The following RALYL variants were observed in gnomAD, a reference collection of about 807,000 sequenced individuals.
RALYL encodes RALY RNA binding protein like.
Under a neutral mutation model 35.1 loss-of-function variants are expected in RALYL, and 29 were observed. That is an observed-to-expected ratio of 0.83 (90% CI 0.61 to 1.13). The LOEUF is 1.13. Among genes scored for constraint, RALYL ranks in the 50% most tolerant of loss-of-function variants. The pLI, the probability that RALYL is intolerant of heterozygous loss-of-function variation, is 0.00. For missense variants in RALYL, 359 were observed against 360.4 expected (o/e 1.00, Z 0.03); for synonymous variants, 120 against 127.6 (o/e 0.94, Z 0.40).
At chr8:84,543,215 T>G (rs1304923016) in intron 2 of RALYL, among the ~76,000 whole-genome samples, 1 of 152,090 alleles carries the variant, frequency 6.6e-6, no homozygotes, top group African/African-American at 2.4e-5. Context: ...TTTCTCTCCT[T>G]TTTTGGTGCT....
chr8:84,260,384 G>A (rs968033858), intron 1 of RALYL, among the ~76,000 whole-genome samples: 3 of 152,180 alleles, frequency 2.0e-5, no homozygotes, highest in African/African-American at 7.2e-5. Context: ...GATCGCTCAT[G>A]CAGCTACAAG....
chr8:84,670,590 G>A (rs2044328052), intron 2 of RALYL, among the ~76,000 whole-genome samples: 1 of 152,196 alleles, frequency 6.6e-6, no homozygotes, highest in Admixed American at 6.5e-5. Flanking sequence ...AATCATGGTG[G>A]AAGGTGAAGG....
At chr8:84,299,817 C>T (rs1840429964) in intron 1 of RALYL, among the ~76,000 whole-genome samples, 1 of 150,930 alleles carries the variant, frequency 6.6e-6, no homozygotes, top group South Asian at 2.1e-4. Context: ...GGTAATGTCC[C>T]CTTTGTGATG....
intron 1 of RALYL, among the ~76,000 whole-genome samples, chr8:84,227,370 A>G (rs1007422237): frequency 2.0e-5 from 3 of 151,966 alleles, no homozygotes; most frequent in African/African-American, 4.8e-5. Context: ...AAAAAAATGT[A>G]TTTCTTAAAA....
At chr8:84,652,574 A>T (rs1829071629) in intron 2 of RALYL, among the ~76,000 whole-genome samples, 1 of 152,030 alleles carries the variant, frequency 6.6e-6, no homozygotes, top group Non-Finnish European at 1.5e-5. Flanking sequence ...ATGGCTCTTT[A>T]TTAGACATGT....
At chr8:84,271,771 G>A (rs529279732) in intron 1 of RALYL, among the ~76,000 whole-genome samples, 2 of 152,188 alleles carry the variant, frequency 1.3e-5, no homozygotes, top group South Asian at 2.1e-4. Context: ...CCACTTACAT[G>A]GAAGTTTTAG....
chr8:84,822,258 G>A (rs978034708), intron 4 of RALYL, among the ~76,000 whole-genome samples: 2 of 152,078 alleles, frequency 1.3e-5, no homozygotes, highest in Non-Finnish European at 2.9e-5. Context: ...GTAAATCATG[G>A]GCCTTTGATT....
intron 2 of RALYL, among the ~76,000 whole-genome samples, chr8:84,699,005 CATAGATAG>C (rs3068019): frequency 0.031 from 4,452 of 144,216 alleles, 92 homozygotes; most frequent in East Asian, 0.093. Flanking sequence ...TAGGTAGGTA[CATAGATAG>C]ATAGATAGAT....
chr8:84,408,718 C>T (rs894318007), intron 1 of RALYL, among the ~76,000 whole-genome samples: 4 of 152,028 alleles, frequency 2.6e-5, no homozygotes, highest in African/African-American at 9.7e-5. Flanking sequence ...CACTAGTAGT[C>T]ATCAGTCAAG....
Position 84,419,543 on chromosome 8 carries a change from CT to C in RALYL, c.-23-109744del, listed in dbSNP as rs572953145. 1.7e-3 allele frequency among the ~76,000 whole-genome samples: 244 copies of C among 146,032 alleles called. 1 individual carries two copies. The highest frequency in any genetic ancestry group is 2.9e-3 in the African/African-American group (115 of 40,208). Reference sequence around the variant, plus strand: ...TGCTACTACAAATTTATGGTCTTAACTTTTTTTTTTTTATTATTATACATTA... The same window carrying C: ...TGCTACTACAAATTTATGGTCTTAACTTTTTTTTTTTATTATTATACATTA... On this transcript the variant is annotated intron_variant, in intron 1 of 8. Transcript: ENST00000521268.
intron 2 of RALYL, among the ~76,000 whole-genome samples, chr8:84,530,044 A>G (rs2059176387): frequency 6.6e-6 from 1 of 152,212 alleles, no homozygotes; most frequent in South Asian, 2.1e-4. Context: ...GGAAAGGAAT[A>G]TAATTCACAT....
At chr8:84,578,804 C>T (rs142817348) in intron 2 of RALYL, among the ~76,000 whole-genome samples, 26 of 152,306 alleles carry the variant, frequency 1.7e-4, no homozygotes, top group African/African-American at 5.1e-4. Context: ...TTAGTCTTAA[C>T]GTCTGTGTGA....
At chr8:84,233,460 G>C (rs1395220543) in intron 1 of RALYL, among the ~76,000 whole-genome samples, 1 of 152,144 alleles carries the variant, frequency 6.6e-6, no homozygotes, top group Non-Finnish European at 1.5e-5. Context: ...CCACCCCAAA[G>C]CACCTCACTC....
chr8:84,373,088 G>GT lies in RALYL; in HGVS notation c.-23-156209dup, dbSNP rs1314843093. ...TGTCCTTTGCCCACTTTTTAATGGG[G>GT]TTATTTTTTTTTCTTATGAATTTAA... On this transcript the variant is annotated intron_variant, in intron 1 of 8. Coordinates refer to ENST00000521268, the MANE Select transcript of RALYL (RefSeq NM_173848.7). Among the ~76,000 whole-genome samples the GT allele has an allele frequency of 1.1e-4, 16 of 150,410 alleles. 2 individuals carry two copies. In the South Asian group the frequency reaches 3.2e-3, roughly 30 times the overall value.
intron 2 of RALYL, among the ~76,000 whole-genome samples, chr8:84,715,465 A>G (rs1842824157): frequency 6.6e-6 from 1 of 152,022 alleles, no homozygotes; most frequent in Non-Finnish European, 1.5e-5. Flanking sequence ...AAGGAATCTA[A>G]TAAATTAACT....
At chr8:84,660,813 T>C (rs907927574) in intron 2 of RALYL, among the ~76,000 whole-genome samples, 2 of 152,142 alleles carry the variant, frequency 1.3e-5, no homozygotes, top group African/African-American at 4.8e-5. Context: ...AAATTTTGAA[T>C]ATATTCCCAA....
intron 8 of RALYL, among the ~76,000 whole-genome samples, chr8:84,910,227 T>C (rs1274354369): frequency 2.6e-5 from 4 of 152,070 alleles, no homozygotes; most frequent in Non-Finnish European, 5.9e-5. Context: ...ATGTACATTC[T>C]AAACATGGCA....
intron 8 of RALYL, among the ~76,000 whole-genome samples, chr8:84,909,829 C>T (rs138775234): frequency 1.2e-4 from 18 of 152,164 alleles, no homozygotes; most frequent in Non-Finnish European, 1.3e-4. Context: ...AAGTTTTTAA[C>T]TAAATAAGTT....
At chr8:84,720,282 A>T (rs1843653707) in intron 2 of RALYL, among the ~76,000 whole-genome samples, 1 of 152,180 alleles carries the variant, frequency 6.6e-6, no homozygotes, top group Non-Finnish European at 1.5e-5. Flanking sequence ...AGTAATCCAA[A>T]CAGCATGGTA....
Sources: allele counts gnomAD v4.1 joint callset (sites outside exome capture counted in the v4.1 genomes callset), GRCh38; gene constraint gnomAD v4.1.1; transcripts MANE v1.5; gene names NCBI Gene and HGNC (gene_info 2026-07-23, HGNC 2026-07-21).